The following ADAMTS20 variants were observed in gnomAD, a reference collection of about 807,000 sequenced individuals.
The protein encoded by ADAMTS20 is A disintegrin and metalloproteinase with thrombospondin motifs 20.
Under a neutral mutation model 260.1 loss-of-function variants are expected in ADAMTS20, and 225 were observed. The observed-to-expected ratio is 0.87, with a 90% CI of 0.78 to 0.97. The LOEUF (loss-of-function observed/expected upper bound fraction) is 0.97. ADAMTS20 is among the 50% of genes least tolerant of loss of function. The probability of loss-of-function intolerance (pLI) is 0.00; values close to 1 mark genes in which losing one functional copy is unlikely to be tolerated. For synonymous variants in ADAMTS20, 802 were observed against 769.5 expected, an observed-to-expected ratio of 1.04 and a Z score of -0.70; for missense variants, 2,400 against 2,337.7, an observed-to-expected ratio of 1.03 and a Z score of -0.55.
chr12:43,531,535 T>C (rs1943220223), intron 3 of ADAMTS20, among the ~76,000 whole-genome samples: 1 of 152,254 alleles, frequency 6.6e-6, no homozygotes, highest in Non-Finnish European at 1.5e-5. Context: ...TGTCCTTCAA[T>C]ATTTAAGAAA....
intron 3 of ADAMTS20, among the ~76,000 whole-genome samples, chr12:43,528,957 A>G (rs1267547583): frequency 6.6e-6 from 1 of 152,158 alleles, no homozygotes; most frequent in Non-Finnish European, 1.5e-5. Context: ...AATCAGCAAG[A>G]AAAAAAGCAA....
intron 28 of ADAMTS20, among the ~76,000 whole-genome samples, chr12:43,407,879 T>C (rs990437630): frequency 3.3e-5 from 5 of 152,168 alleles, no homozygotes; most frequent in Admixed American, 3.3e-4. Flanking sequence ...CATTTAAAGC[T>C]TGTAATTTAT....
intron 5 of ADAMTS20, among the ~76,000 whole-genome samples, chr12:43,492,854 T>A (rs1009697841): frequency 2.6e-5 from 4 of 152,100 alleles, no homozygotes; most frequent in Non-Finnish European, 5.9e-5. Context: ...CCATCCAATA[T>A]TTAGGAAAAA....
intron 28 of ADAMTS20, among the ~76,000 whole-genome samples, chr12:43,406,404 A>G (rs556321322): frequency 2.0e-5 from 3 of 152,276 alleles, no homozygotes; most frequent in Admixed American, 6.5e-5. Flanking sequence ...ATTTTGCTAA[A>G]TAATTCTTTA....
At chr12:43,494,161 C>T (rs1942644966) in intron 4 of ADAMTS20, among the ~76,000 whole-genome samples, 1 of 152,192 alleles carries the variant, frequency 6.6e-6, no homozygotes, top group Non-Finnish European at 1.5e-5. Flanking sequence ...CCTAGATCAC[C>T]TTCTTGTTGG....
At chr12:43,501,462 C>T (rs918159465) in intron 4 of ADAMTS20, among the ~76,000 whole-genome samples, 2 of 41,510 alleles carry the variant, frequency 4.8e-5, no homozygotes, top group Admixed American at 3.1e-4. Flanking sequence ...GAGGGGGATA[C>T]GCGCGCGCGC....
chr12:43,432,450 C>T lies in ADAMTS20; in HGVS notation c.2950G>A (p.Gly984Arg), dbSNP rs780650068. The change falls in exon 21 of 39, where the codon GGA (glycine) becomes AGA (arginine). Residue 984 changes from glycine (G) to arginine (R), a missense_variant. Transcript: ENST00000389420. ...EWSQCSRSCG[G>R]GERSRESYCM... ...TAAGATTCTCGAGACCTTTCCCCTC[C>T]TCCACAACTCCTGGAACACTGATTA... 5.6e-6 allele frequency: 9 copies of T among 1,612,634 alleles called. 1 individual carries two copies. In the South Asian group the frequency reaches 9.9e-5, roughly 18 times the overall value.
intron 28 of ADAMTS20, 91 bp downstream of exon 28, chr12:43,425,421 TAA>T: frequency 1.7e-6 from 2 of 1,148,664 alleles, no homozygotes; most frequent in Non-Finnish European, 2.3e-6. Context: ...GAATGTAAAA[TAA>T]AAGTCGAAGA....
In ADAMTS20 at chr12:43,383,838, A is replaced by C. The variant is rs1425968821; in HGVS notation, c.4592T>G (p.Val1531Gly). Residue 1531 changes from valine to glycine, a missense_variant, in exon 30 of 39, where the codon GTG (valine) becomes GGG (glycine). Physicochemically the swap from Val to Gly is moderately radical, Grantham distance 109. Coordinates refer to ENST00000389420, the MANE Select transcript of ADAMTS20 (RefSeq NM_025003.5). Reference sequence around the variant, plus strand: ...CCCTCTTTCCATCCCCTTGTGCTGCACACAGTCCTGACTCCAACATCGCCT... The same window carrying C: ...CCCTCTTTCCATCCCCTTGTGCTGCCCACAGTCCTGACTCCAACATCGCCT... ...SQRRCWSQDCVQHKGMERGRL... is the reference protein window; with the variant it reads ...SQRRCWSQDCGQHKGMERGRL... 1.2e-5 allele frequency: 19 copies of C among 1,613,956 alleles called. No individual in the cohort carries two copies. Among genetic ancestry groups the C allele is most frequent in the Non-Finnish European group, 1.5e-5 (18 of 1,179,854 alleles).
chr12:43,382,558 A>G (rs1273240782), intron 31 of ADAMTS20, among the ~76,000 whole-genome samples: 1 of 152,164 alleles, frequency 6.6e-6, no homozygotes, highest in African/African-American at 2.4e-5. Flanking sequence ...GGATTAGATC[A>G]TGGTGATGCT....
chr12:43,520,545 T>C (rs1186873553), intron 3 of ADAMTS20, among the ~76,000 whole-genome samples: 1 of 152,150 alleles, frequency 6.6e-6, no homozygotes, highest in Non-Finnish European at 1.5e-5. Flanking sequence ...TGATGGATAG[T>C]GTGACATGTT....
chr12:43,541,732 A>C (rs1275101870), intron 2 of ADAMTS20, among the ~76,000 whole-genome samples: 1 of 152,076 alleles, frequency 6.6e-6, no homozygotes, highest in Admixed American at 6.6e-5. Flanking sequence ...TTAACTCCAG[A>C]TGCATAAAAC....
chr12:43,360,084 A>G (rs1453568287), intron 37 of ADAMTS20, among the ~76,000 whole-genome samples: 2 of 142,052 alleles, frequency 1.4e-5, no homozygotes, highest in East Asian at 3.9e-4. Flanking sequence ...AGACCAGAAC[A>G]TATAAAAAAA....
chr12:43,494,493 A>G (rs1942649126), intron 4 of ADAMTS20, among the ~76,000 whole-genome samples: 1 of 152,208 alleles, frequency 6.6e-6, no homozygotes, highest in Non-Finnish European at 1.5e-5. Flanking sequence ...GAGCATAAAT[A>G]CATAATCCAG....
chr12:43,462,033 C>T (rs1369296433), intron 11 of ADAMTS20, among the ~76,000 whole-genome samples: 2 of 152,174 alleles, frequency 1.3e-5, no homozygotes, highest in African/African-American at 4.8e-5. Context: ...GAAACACACA[C>T]CTTTTGATGC....
chr12:43,518,568 C>T (rs1420205910), intron 3 of ADAMTS20, among the ~76,000 whole-genome samples: 3 of 152,078 alleles, frequency 2.0e-5, no homozygotes, highest in Non-Finnish European at 4.4e-5. Flanking sequence ...CCCAGACAAT[C>T]TCATTCAGCC....
At chr12:43,519,397 T>C (rs752207802) in intron 3 of ADAMTS20, among the ~76,000 whole-genome samples, 2 of 152,134 alleles carry the variant, frequency 1.3e-5, no homozygotes, top group Non-Finnish European at 2.9e-5. Flanking sequence ...TCACTGCACT[T>C]GTACAGGATA....
chr12:43,369,297 C>T lies in ADAMTS20; in HGVS notation c.5531G>A (p.Cys1844Tyr), dbSNP rs937887527. The change falls in exon 37 of 39, where the codon TGC (cysteine) becomes TAC (tyrosine). Residue 1844 changes from cysteine (C) to tyrosine (Y), a missense_variant. Physicochemically the swap from Cys to Tyr is radical, Grantham distance 194. Transcript: ENST00000389420. ...CAAACAAATATGAAATACCTGTGGG[C>T]ATCTGAAAGCACTGTAGCAATCTCC... is the stretch of plus-strand genomic sequence containing the variant. ...TAGDCYSAFR[C>Y]PQGQFSINLS... The T allele has an allele frequency of 3.3e-6, 5 of 1,512,816 alleles. No homozygotes were observed. In the Admixed American group the frequency reaches 8.9e-5, roughly 27 times the overall value. 93.7% of individuals were successfully genotyped at this position (1,512,816 alleles called of 1,614,324 possible).
At chr12:43,541,760 G>GGTTTT (rs750707342) in intron 2 of ADAMTS20, among the ~76,000 whole-genome samples, 8 of 148,384 alleles carry the variant, frequency 5.4e-5, no homozygotes, top group African/African-American at 1.9e-4. Flanking sequence ...TCATAGTAAG[G>GGTTTT]GTTTTGTTTT....
Sources: allele counts gnomAD v4.1 joint callset (sites outside exome capture counted in the v4.1 genomes callset), GRCh38; gene constraint gnomAD v4.1.1; transcripts MANE v1.5; gene names NCBI Gene and HGNC (gene_info 2026-07-23, HGNC 2026-07-21).